The following HAPLN1 variants were observed in gnomAD, a reference collection of about 807,000 sequenced individuals.
HAPLN1 encodes the protein hyaluronan and proteoglycan link protein 1, also known as Cartilage link protein.
In HAPLN1, 13 loss-of-function variants were observed where a neutral mutation model predicts 36.5. The observed-to-expected ratio is 0.36, with a 90% CI of 0.23 to 0.57. The LOEUF (loss-of-function observed/expected upper bound fraction) is 0.57, where lower values mean the gene tolerates loss of function less well. HAPLN1 is among the 20% of genes least tolerant of loss of function. The pLI, the probability that HAPLN1 is intolerant of heterozygous loss-of-function variation, is 0.83. For synonymous variants in HAPLN1, 202 were observed against 169.8 expected (o/e 1.19, Z -1.48); for missense variants, 407 against 439.7 (o/e 0.93, Z 0.66).
chr5:83,686,462 G>A (rs1165058616), intron 1 of HAPLN1, among the ~76,000 whole-genome samples: 3 of 152,144 alleles, frequency 2.0e-5, no homozygotes, highest in Non-Finnish European at 2.9e-5. Context: ...GAGAGACAAA[G>A]TTAGTGAAAT....
chr5:83,694,005 A>G (rs1190053678), intron 1 of HAPLN1, among the ~76,000 whole-genome samples: 1 of 151,988 alleles, frequency 6.6e-6, no homozygotes, highest in East Asian at 1.9e-4. Context: ...CATTCTTTTC[A>G]AATGCATACC....
At chr5:83,712,172 C>T (rs1751800579) in intron 1 of HAPLN1, among the ~76,000 whole-genome samples, 1 of 152,056 alleles carries the variant, frequency 6.6e-6, no homozygotes, top group Non-Finnish European at 1.5e-5. Context: ...TTGGGTAATA[C>T]CTCAAAGTGT....
intron 2 of HAPLN1, among the ~76,000 whole-genome samples, chr5:83,663,073 G>C (rs1750451119): frequency 2.0e-5 from 3 of 152,194 alleles, no homozygotes; most frequent in Admixed American, 2.0e-4. Flanking sequence ...AAGGCTGAGG[G>C]GAGTGAAGAG....
In HAPLN1 at chr5:83,641,294, T is replaced by C. The variant is rs193224973; in HGVS notation, c.*202A>G. On this transcript the variant is annotated 3_prime_UTR_variant, in exon 5 of 5. Transcript: ENST00000274341. ...CTCCTTACATAGAGCTTCCCTTAAA[T>C]TTATATTAATTTATAATATATATTG... 3.2e-5 allele frequency: 9 copies of C among 280,832 alleles called. No homozygotes were observed. Among genetic ancestry groups the C allele is most frequent in the African/African-American group, 1.5e-4 (7 of 45,602 alleles). The allele number at this position is 280,832 out of a possible 1,614,324, so 17.4% of individuals were successfully genotyped here. A position where few individuals can be genotyped will look rare whatever the true frequency, so the allele number is the denominator to read the frequency against.
At chr5:83,718,970 C>A (rs182886155) in intron 1 of HAPLN1, among the ~76,000 whole-genome samples, 342 of 152,230 alleles carry the variant, frequency 2.2e-3, no homozygotes, top group Non-Finnish European at 3.7e-3. Context: ...TATTCCACAC[C>A]TAAGATGCTA....
chr5:83,648,299 G>A (rs1749934131), intron 3 of HAPLN1, among the ~76,000 whole-genome samples: 1 of 148,526 alleles, frequency 6.7e-6, no homozygotes, highest in South Asian at 2.1e-4. Flanking sequence ...TTTTTTGTCA[G>A]TATGGTTATA....
chr5:83,658,606 G>C (rs1750287815), intron 2 of HAPLN1, among the ~76,000 whole-genome samples: 3 of 152,142 alleles, frequency 2.0e-5, no homozygotes, highest in Admixed American at 1.3e-4. Context: ...AATAAAGAGT[G>C]CCTCACTTAT....
chr5:83,652,434 A>C lies in HAPLN1; in HGVS notation c.472+19T>G. On this transcript the variant is annotated intron_variant, in intron 3 of 4. Coordinates refer to ENST00000274341, the MANE Select transcript of HAPLN1 (RefSeq NM_001884.4). ...ATTAATGACCATTTATACGTTGAACATGACTTATAGATACATACCTTGTAA... is the reference window on the plus strand; with the variant it reads ...ATTAATGACCATTTATACGTTGAACCTGACTTATAGATACATACCTTGTAA... 1.3e-6 allele frequency: 2 copies of C among 1,594,574 alleles called. No homozygotes were observed. The highest frequency in any genetic ancestry group is 1.7e-6 in the Non-Finnish European group (2 of 1,169,266).
At chr5:83,651,543 C>T (rs1421798267) in intron 3 of HAPLN1, among the ~76,000 whole-genome samples, 1 of 49,834 alleles carries the variant, frequency 2.0e-5, no homozygotes, top group Non-Finnish European at 3.8e-5. Context: ...AAATAAATCT[C>T]CATATATGTG....
intron 2 of HAPLN1, among the ~76,000 whole-genome samples, chr5:83,671,784 T>C (rs1441926362): frequency 6.6e-6 from 1 of 152,242 alleles, no homozygotes; most frequent in Non-Finnish European, 1.5e-5. Context: ...ACTTGAAAGC[T>C]CTTTAGCAAC....
chr5:83,673,549 A>C lies in HAPLN1; in HGVS notation c.-26T>G. On this transcript the variant is annotated splice_region_variant and 5_prime_UTR_variant, in exon 2 of 5. Coordinates refer to ENST00000274341, the MANE Select transcript of HAPLN1 (RefSeq NM_001884.4). ...CTTTATAGCCCAAAGAATCTTCTTC[A>C]CTGCGAGAGCATCACATACAAAGAG... 1 of 1,519,596 alleles carries C rather than the reference A, an allele frequency of 6.6e-7. No individual in the cohort carries two copies. Among genetic ancestry groups the C allele is most frequent in the South Asian group, 1.1e-5 (1 of 89,104 alleles). 94.1% of individuals were successfully genotyped at this position (1,519,596 alleles called of 1,614,324 possible).
chr5:83,684,708 G>A (rs1004926667), intron 1 of HAPLN1, among the ~76,000 whole-genome samples: 2 of 152,064 alleles, frequency 1.3e-5, no homozygotes, highest in Non-Finnish European at 2.9e-5. Flanking sequence ...GGTGAGATTG[G>A]ACAGGGAGTC....
At chr5:83,655,819 C>A (rs1336535084) in intron 2 of HAPLN1, among the ~76,000 whole-genome samples, 2 of 152,042 alleles carry the variant, frequency 1.3e-5, no homozygotes, top group Non-Finnish European at 2.9e-5. Context: ...CTTGAGCTTG[C>A]AGTTCTCATC....
chr5:83,664,273 C>A (rs1750494401), intron 2 of HAPLN1, among the ~76,000 whole-genome samples: 1 of 152,174 alleles, frequency 6.6e-6, no homozygotes, highest in African/African-American at 2.4e-5. Context: ...CAGATCTCAG[C>A]TTGATGTCCT....
rs200129536 is a variant in HAPLN1, at chr5:83,644,435, C to T, written c.703G>A (p.Val235Ile). Residue 235 changes from valine (V) to isoleucine (I), a missense_variant, in exon 4 of 5, where the codon GTC (valine) becomes ATC (isoleucine). Coordinates refer to ENST00000274341, the MANE Select transcript of HAPLN1 (RefSeq NM_001884.4). The part of the protein sequence containing the change: ...PCGGQNTVPG[V>I]RNYGFWDKDK... ...TTATCCCAAAATCCGTAGTTCCTGA[C>T]TCCGGGCACTGTGTTCTGCCCCCCA... 1.7e-5 allele frequency: 28 copies of T among 1,611,044 alleles called. No homozygotes were observed. In the Admixed American group the frequency reaches 3.4e-4, roughly 19 times the overall value.
At chr5:83,672,259 G>A (rs1750748597) in intron 2 of HAPLN1, among the ~76,000 whole-genome samples, 2 of 152,148 alleles carry the variant, frequency 1.3e-5, no homozygotes, top group African/African-American at 4.8e-5. Context: ...TCACTAGAAG[G>A]TAAAAGGGTA....
chr5:83,720,628 T>A (rs917999675), intron 1 of HAPLN1, among the ~76,000 whole-genome samples, 161 bp downstream of exon 1: 2 of 152,354 alleles, frequency 1.3e-5, no homozygotes, highest in African/African-American at 4.8e-5. Flanking sequence ...GAAACTTTTT[T>A]AAAAGTTGAG....
At chr5:83,696,039 A>G (rs1252616323) in intron 1 of HAPLN1, among the ~76,000 whole-genome samples, 1 of 152,114 alleles carries the variant, frequency 6.6e-6, no homozygotes, top group Non-Finnish European at 1.5e-5. Flanking sequence ...AAAGTCTACA[A>G]AAAAGCTACT....
At chr5:83,711,294 T>G (rs989032421) in intron 1 of HAPLN1, among the ~76,000 whole-genome samples, 5 of 152,108 alleles carry the variant, frequency 3.3e-5, no homozygotes, top group African/African-American at 9.7e-5. Flanking sequence ...AGAACTGCCA[T>G]AAAGCATGAA....
Sources: allele counts gnomAD v4.1 joint callset (sites outside exome capture counted in the v4.1 genomes callset), GRCh38; gene constraint gnomAD v4.1.1; transcripts MANE v1.5; gene names NCBI Gene and HGNC (gene_info 2026-07-23, HGNC 2026-07-21).